Variants in CDK19 observed in about 807,000 individuals in gnomAD.
The protein encoded by CDK19 is cyclin dependent kinase 19, also known as cyclin-dependent kinase 19.
In CDK19, 20 loss-of-function variants were observed where a neutral mutation model predicts 68.3. The ratio of observed to expected loss-of-function variants is 0.29; its 90% CI spans 0.21 to 0.43. The LOEUF is 0.43. CDK19 is among the 20% of genes least tolerant of loss of function. The pLI, the probability that CDK19 is intolerant of heterozygous loss-of-function variation, is 1.00. For missense variants in CDK19, 339 were observed against 623.5 expected, an observed-to-expected ratio of 0.54 and a Z score of 4.86; for synonymous variants, 221 against 222.8, an observed-to-expected ratio of 0.99 and a Z score of 0.07.
At position 110,739,284 on chromosome 6, in the gene CDK19, G is replaced by A. The variant is rs142449334; in HGVS notation, c.204+6842C>T. On this transcript the variant is annotated intron_variant, in intron 2 of 12. Coordinates refer to ENST00000368911, the MANE Select transcript of CDK19 (RefSeq NM_015076.5). ...ATTAGTTCCCTTATGTAAGAGAGCC[G>A]AGAGAAATGGTTGGCTTTCCACCAT... Among the ~76,000 whole-genome samples the A allele has an allele frequency of 2.0e-3, 310 of 152,244 alleles. 2 individuals carry two copies. Among genetic ancestry groups the A allele is most frequent in the African/African-American group, 7.3e-3 (305 of 41,550 alleles).
At chr6:110,618,143 A>AC (rs1019658322) in intron 12 of CDK19, among the ~76,000 whole-genome samples, 1 of 151,550 alleles carries the variant, frequency 6.6e-6, no homozygotes, top group Non-Finnish European at 1.5e-5. Flanking sequence ...CTATTCATTT[A>AC]TTTTTTTTCA....
chr6:110,700,343 C>T (rs1298221512), intron 2 of CDK19, among the ~76,000 whole-genome samples: 2 of 152,180 alleles, frequency 1.3e-5, no homozygotes, highest in Non-Finnish European at 2.9e-5. Context: ...AAGCATCCCC[C>T]GAACCCCGGT....
chr6:110,632,266 C>G (rs1779486611), intron 5 of CDK19, 105 bp from the exon 6 acceptor site: 2 of 807,662 alleles, frequency 2.5e-6, no homozygotes, highest in Non-Finnish European at 3.9e-6. Flanking sequence ...TAGAACCATG[C>G]AAGGTTGACA....
chr6:110,669,983 C>A (rs979077463), intron 3 of CDK19, among the ~76,000 whole-genome samples: 2 of 151,580 alleles, frequency 1.3e-5, no homozygotes, highest in Admixed American at 1.3e-4. Context: ...CATGGAGAAA[C>A]CCCGTCTCTA....
intron 1 of CDK19, among the ~76,000 whole-genome samples, chr6:110,753,901 T>C (rs1366307209): frequency 6.6e-6 from 1 of 152,188 alleles, no homozygotes; most frequent in Non-Finnish European, 1.5e-5. Flanking sequence ...CCCAAGCTTC[T>C]TACTTTTTAG....
chr6:110,695,158 A>AG (rs1773362869), intron 2 of CDK19, among the ~76,000 whole-genome samples: 1 of 151,706 alleles, frequency 6.6e-6, no homozygotes, highest in Non-Finnish European at 1.5e-5. Flanking sequence ...AAAGGAAAGA[A>AG]GAAAGGAAAG....
chr6:110,780,289 C>T (rs1455566668), intron 1 of CDK19, among the ~76,000 whole-genome samples: 1 of 149,884 alleles, frequency 6.7e-6, no homozygotes, highest in Non-Finnish European at 1.5e-5. Context: ...GCTCGGGAGA[C>T]TGAGGCAGAA....
At chr6:110,639,317 C>T (rs539197871) in intron 4 of CDK19, among the ~76,000 whole-genome samples, 2 of 152,320 alleles carry the variant, frequency 1.3e-5, no homozygotes, top group South Asian at 4.1e-4. Context: ...TCACCCTTAT[C>T]TGTAGACACT....
At chr6:110,726,175 TATAATC>T (rs1776301142) in intron 2 of CDK19, among the ~76,000 whole-genome samples, 1 of 152,214 alleles carries the variant, frequency 6.6e-6, no homozygotes. Flanking sequence ...ATGCAACTGT[TATAATC>T]ATGTTATAAT....
chr6:110,734,688 G>C (rs181241075), intron 2 of CDK19, among the ~76,000 whole-genome samples: 33 of 152,050 alleles, frequency 2.2e-4, no homozygotes, highest in Admixed American at 1.8e-3. Flanking sequence ...AGTCTTCCCA[G>C]ACTGCCAAGT....
chr6:110,634,462 C>A (rs1321904027), intron 5 of CDK19, among the ~76,000 whole-genome samples: 1 of 152,226 alleles, frequency 6.6e-6, no homozygotes, highest in African/African-American at 2.4e-5. Context: ...AAGTGATCTG[C>A]CTGCCTCAGC....
intron 1 of CDK19, among the ~76,000 whole-genome samples, chr6:110,772,279 G>C (rs1780073605): frequency 6.6e-6 from 1 of 152,132 alleles, no homozygotes; most frequent in Non-Finnish European, 1.5e-5. Context: ...GCGGCAGCAA[G>C]AGAAAATGAG....
chr6:110,790,886 C>T (rs550932796), intron 1 of CDK19, among the ~76,000 whole-genome samples: 1 of 151,696 alleles, frequency 6.6e-6, no homozygotes, highest in South Asian at 2.1e-4. Flanking sequence ...AAATGTAGAA[C>T]AAGGGCCGGG....
intron 1 of CDK19, among the ~76,000 whole-genome samples, chr6:110,758,326 G>A (rs1778970065): frequency 6.6e-6 from 1 of 152,206 alleles, no homozygotes; most frequent in African/African-American, 2.4e-5. Context: ...GGTCAAATAG[G>A]AGAGAATGGA....
At chr6:110,659,319 C>G (rs1252198880) in intron 4 of CDK19, among the ~76,000 whole-genome samples, 1 of 152,310 alleles carries the variant, frequency 6.6e-6, no homozygotes, top group Non-Finnish European at 1.5e-5. Context: ...ATTTTTCTTA[C>G]AGCTGAGTGA....
intron 2 of CDK19, among the ~76,000 whole-genome samples, chr6:110,733,494 T>C (rs978692997): frequency 1.3e-5 from 2 of 152,128 alleles, no homozygotes; most frequent in Non-Finnish European, 2.9e-5. Flanking sequence ...GATCATGCAA[T>C]AGGTATATGT....
At chr6:110,636,413 G>C (rs1418680216) in intron 5 of CDK19, among the ~76,000 whole-genome samples, 1 of 152,194 alleles carries the variant, frequency 6.6e-6, no homozygotes, top group African/African-American at 2.4e-5. Context: ...TAGGTTAGTA[G>C]AAGTAAGAGG....
At chr6:110,813,558 G>C (rs141084797) in intron 1 of CDK19, 2,053 of 152,052 alleles carry the variant, frequency 0.014, 26 homozygotes, top group Non-Finnish European at 0.021. Context: ...AAGCATTCAA[G>C]GACACCTGGT....
intron 6 of CDK19, among the ~76,000 whole-genome samples, chr6:110,631,366 G>C (rs1036123980): frequency 1.3e-5 from 2 of 152,164 alleles, no homozygotes; most frequent in African/African-American, 4.8e-5. Context: ...ATTCACAGCT[G>C]GGCCGTGTGA....
Sources: allele counts gnomAD v4.1 joint callset (sites outside exome capture counted in the v4.1 genomes callset), GRCh38; gene constraint gnomAD v4.1.1; transcripts MANE v1.5; gene names NCBI Gene and HGNC (gene_info 2026-07-23, HGNC 2026-07-21).